Variants in CSMD1 observed in about 807,000 individuals in gnomAD.
The protein encoded by CSMD1 is CUB and sushi domain-containing protein 1.
In CSMD1, 213 loss-of-function variants were observed where a neutral mutation model predicts 417.5. The observed-to-expected ratio is 0.51, with a 90% CI of 0.46 to 0.57. The LOEUF (loss-of-function observed/expected upper bound fraction) is 0.57, where lower values mean the gene tolerates loss of function less well. CSMD1 is among the 20% of genes least tolerant of loss of function. The pLI is 0.00. For synonymous variants in CSMD1, 2,862 were observed against 1,736.8 expected (o/e 1.65, Z -16.11); for missense variants, 6,923 against 4,529.7 (o/e 1.53, Z -15.17).
chr8:4,584,614 A>G (rs1348852471), intron 2 of CSMD1, among the ~76,000 whole-genome samples: 2 of 152,096 alleles, frequency 1.3e-5, no homozygotes, highest in South Asian at 2.1e-4. Flanking sequence ...GAGGAAAGCC[A>G]TGCAGCTCCG....
intron 7 of CSMD1, among the ~76,000 whole-genome samples, chr8:3,699,383 A>G (rs1323019883): frequency 6.6e-6 from 1 of 152,170 alleles, no homozygotes; most frequent in Admixed American, 6.5e-5. Context: ...GCTTTTCTCC[A>G]TACAACACAT....
chr8:3,087,087 C>A lies in CSMD1; in HGVS notation c.7474+10G>T, dbSNP rs1185065641. On this transcript the variant is annotated intron_variant, in intron 49 of 69. Transcript: ENST00000635120. Reference sequence around the variant, plus strand: ...GGAAACAAGGCTGGGGATGAAAACGCATTTCTTACCCTGGCAGAGTGGCGT... The same window carrying A: ...GGAAACAAGGCTGGGGATGAAAACGAATTTCTTACCCTGGCAGAGTGGCGT... 6.2e-7 allele frequency: 1 copy of A among 1,610,794 alleles called. No individual in the cohort carries two copies. Among genetic ancestry groups the A allele is most frequent in the South Asian group, 1.1e-5 (1 of 90,972 alleles).
intron 6 of CSMD1, among the ~76,000 whole-genome samples, chr8:3,709,682 T>C (rs75091936): frequency 0.28 from 21,817 of 78,466 alleles, 3,484 homozygotes; most frequent in East Asian, 0.48. Context: ...AGCAGCATGT[T>C]TTTTTTTTTT....
intron 2 of CSMD1, among the ~76,000 whole-genome samples, chr8:4,475,327 C>G (rs145660929): frequency 2.0e-5 from 3 of 152,204 alleles, no homozygotes; most frequent in Non-Finnish European, 4.4e-5. Flanking sequence ...ATTGTGATAG[C>G]TTCATAAGAC....
intron 15 of CSMD1, among the ~76,000 whole-genome samples, chr8:3,403,151 G>C (rs1179998946): frequency 2.6e-5 from 4 of 152,092 alleles, no homozygotes; most frequent in African/African-American, 9.7e-5. Flanking sequence ...ATTTGTTAAG[G>C]TTCACTTTGT....
chr8:4,006,760 T>C (rs2130402730), intron 4 of CSMD1, among the ~76,000 whole-genome samples: 1 of 152,166 alleles, frequency 6.6e-6, no homozygotes, highest in Admixed American at 6.5e-5. Flanking sequence ...TCACCACTAT[T>C]TATTACGGCT....
chr8:3,378,299 C>T (rs769185584), intron 18 of CSMD1, among the ~76,000 whole-genome samples: 3 of 152,182 alleles, frequency 2.0e-5, no homozygotes, highest in African/African-American at 4.8e-5. Context: ...GGTGGATTCA[C>T]AGTCGAATTC....
At chr8:3,096,293 T>A (rs942563534) in intron 47 of CSMD1, among the ~76,000 whole-genome samples, 1 of 152,214 alleles carries the variant, frequency 6.6e-6, no homozygotes, top group Non-Finnish European at 1.5e-5. Flanking sequence ...TCTTGAATTG[T>A]AAATCCCACA....
At chr8:4,088,446 G>C (rs987939882) in intron 3 of CSMD1, among the ~76,000 whole-genome samples, 4 of 152,162 alleles carry the variant, frequency 2.6e-5, no homozygotes, top group East Asian at 1.9e-4. Flanking sequence ...CTCAGCCTCT[G>C]TCTCTCTCTA....
At chr8:3,328,272 T>A (rs961951789) in intron 23 of CSMD1, among the ~76,000 whole-genome samples, 2 of 152,218 alleles carry the variant, frequency 1.3e-5, no homozygotes, top group African/African-American at 4.8e-5. Flanking sequence ...TTCTGCTTCA[T>A]AAATGCTTTT....
At chr8:3,069,042 G>A (rs1030715936) in intron 49 of CSMD1, among the ~76,000 whole-genome samples, 1 of 152,054 alleles carries the variant, frequency 6.6e-6, no homozygotes, top group Admixed American at 6.6e-5. Flanking sequence ...TTCCATTTAT[G>A]AACTTGGAAA....
chr8:3,376,217 T>G (rs1282008709), intron 18 of CSMD1, among the ~76,000 whole-genome samples: 1 of 151,980 alleles, frequency 6.6e-6, no homozygotes, highest in Non-Finnish European at 1.5e-5. Flanking sequence ...TATAAAAATA[T>G]TTTAATAACA....
intron 3 of CSMD1, among the ~76,000 whole-genome samples, chr8:4,206,535 C>T (rs971787893): frequency 6.6e-6 from 1 of 152,074 alleles, no homozygotes; most frequent in Non-Finnish European, 1.5e-5. Flanking sequence ...TTATGGCTGC[C>T]TAGTATTCCA....
intron 15 of CSMD1, among the ~76,000 whole-genome samples, chr8:3,404,646 C>T (rs553702890): frequency 9.9e-5 from 15 of 152,184 alleles, no homozygotes; most frequent in African/African-American, 3.6e-4. Flanking sequence ...CTAAAGACAA[C>T]TGAGAAAATA....
At chr8:4,055,937 A>T (rs1798666871) in intron 3 of CSMD1, among the ~76,000 whole-genome samples, 1 of 152,144 alleles carries the variant, frequency 6.6e-6, no homozygotes, top group South Asian at 2.1e-4. Flanking sequence ...AAAATATGTA[A>T]ATTACACTTA....
At chr8:3,991,643 T>C (rs922246841) in intron 5 of CSMD1, among the ~76,000 whole-genome samples, 10 of 152,188 alleles carry the variant, frequency 6.6e-5, no homozygotes, top group Admixed American at 5.2e-4. Context: ...GAGGGCACTT[T>C]CTTTGTATGC....
chr8:3,291,007 C>G (rs1313759584), intron 25 of CSMD1, among the ~76,000 whole-genome samples: 1 of 152,130 alleles, frequency 6.6e-6, no homozygotes, highest in Non-Finnish European at 1.5e-5. Flanking sequence ...CCATCAACAC[C>G]TAATTTTTTG....
At chr8:4,017,895 A>G (rs979387762) in intron 4 of CSMD1, among the ~76,000 whole-genome samples, 1 of 152,170 alleles carries the variant, frequency 6.6e-6, no homozygotes, top group African/African-American at 2.4e-5. Context: ...GACTTAGGCT[A>G]ATCATCACGG....
intron 1 of CSMD1, among the ~76,000 whole-genome samples, chr8:4,782,599 G>T (rs768264460): frequency 7.9e-5 from 12 of 151,986 alleles, no homozygotes; most frequent in Admixed American, 3.3e-4. Flanking sequence ...ATTCTTTGTA[G>T]GTACTGAAAA....
Sources: gnomAD v4.1 joint callset for allele counts (sites outside exome capture counted in the v4.1 genomes callset) on GRCh38, gnomAD v4.1.1 for gene constraint, MANE v1.5 for transcripts, NCBI Gene and HGNC (gene_info 2026-07-23, HGNC 2026-07-21) for gene names.